CARD10: variants seen among roughly 807,000 people sequenced by gnomAD.
CARD10 encodes caspase recruitment domain family member 10, also known as caspase recruitment domain-containing protein 10.
A neutral mutation model predicts 114.6 loss-of-function variants in CARD10; 49 were observed. The observed-to-expected ratio is 0.43, with a 90% CI of 0.34 to 0.54. The LOEUF is 0.54. Among genes scored for constraint, CARD10 ranks in the 20% least tolerant of loss-of-function variants. CARD10 has a pLI of 0.03. For synonymous variants in CARD10, 602 were observed against 593.2 expected, an observed-to-expected ratio of 1.01 and a Z score of -0.21; for missense variants, 1,206 against 1,397.2, an observed-to-expected ratio of 0.86 and a Z score of 2.18.
rs9917555 is a variant in CARD10 at position 37,496,137 on chromosome 22, G to A, written c.2060-134C>T. 1.7e-6 allele frequency: 2 copies of A among 1,175,092 alleles called. No homozygotes were observed. Among genetic ancestry groups the A allele is most frequent in the Non-Finnish European group, 2.4e-6 (2 of 849,318 alleles). 72.8% of individuals were successfully genotyped at this position (1,175,092 alleles called of 1,614,324 possible). The stretch of plus-strand genomic sequence containing the variant: ...CCAGGACCCGACCTTCACCTTCTTA[G>A]AATGACTTAGGTCCAGAGGGGGCAG... On this transcript the variant is annotated intron_variant, in intron 13 of 19. Transcript: ENST00000251973. This position sits in a 1 kb window ranked among gnomAD's most constrained non-coding sequence, Gnocchi z 4.1.
chr22:37,492,663 G>A lies in CARD10; in HGVS notation c.2616C>T (p.Asp872=). 6.2e-7 allele frequency: 1 copy of A among 1,613,004 alleles called. No homozygotes were observed. The highest frequency in any genetic ancestry group is 8.5e-7 in the Non-Finnish European group (1 of 1,179,846). Residue 872 remains aspartate, a synonymous_variant, in exon 17 of 20, where the codon GAC becomes GAT. Transcript: ENST00000251973. This position sits in a 1 kb window ranked among gnomAD's most constrained non-coding sequence, Gnocchi z 5.7. ...NLLDLPSSRL[D]FQVCPAESLS... is the part of the protein sequence containing the mutation. ...TCTCACCCGCTGGGCACACTTGGAA[G>A]TCCAGCCGGGAGCTGGGCAGGTCTA...
intron 7 of CARD10, among the ~76,000 whole-genome samples, chr22:37,505,574 G>T (rs1923376417): frequency 6.6e-6 from 1 of 151,548 alleles, no homozygotes; most frequent in Non-Finnish European, 1.5e-5. Flanking sequence ...TACTAGGGAG[G>T]CTAAGGCACG....
rs766908750 is a variant in CARD10, at chr22:37,496,041, AGAG to A, written c.2060-41_2060-39del. 1.2e-5 allele frequency: 20 copies of A among 1,607,012 alleles called. No individual in the cohort carries two copies. The African/African-American group carries it at 2.5e-4, about 20-fold the overall frequency. On this transcript the variant is annotated intron_variant, in intron 13 of 19. Transcript: ENST00000251973. This position sits in a 1 kb window ranked among gnomAD's most constrained non-coding sequence, Gnocchi z 4.1. ...GGGGCAGGGGGCAGCAAGGAGGACA[AGAG>A]GAGGATGGTGAGGTCCAGGATCGGC...
At position 37,498,494 on chromosome 22, in the gene CARD10, A is replaced by G. The variant is rs539939517; in HGVS notation, c.1788-1316T>C. ...AGAGGCAGCGGGGCGAAGCATCTCC[A>G]TCCACCCCAGCAGCTGCAGCCCAGA... is the stretch of plus-strand genomic sequence containing the variant. On this transcript the variant is annotated intron_variant, in intron 11 of 19. Coordinates refer to ENST00000251973, the MANE Select transcript of CARD10 (RefSeq NM_014550.4). Among the ~76,000 whole-genome samples, 12 of 152,264 alleles carry G rather than the reference A, an allele frequency of 7.9e-5. No homozygotes were observed. The South Asian group carries it at 2.5e-3, about 32-fold the overall frequency.
Position 37,508,702 on chromosome 22 carries a change from G to T in CARD10, c.910-20C>A. 2 of 1,539,284 alleles carry T rather than the reference G, an allele frequency of 1.3e-6. No individual in the cohort carries two copies. The highest frequency in any genetic ancestry group is 8.7e-7 in the Non-Finnish European group (1 of 1,146,640). ...CGCCTCCTGGGGATCACAGGGCAGG[G>T]CCACCTCAGGGTCTGGCTAGGGGCC... On this transcript the variant is annotated intron_variant, in intron 4 of 19. Transcript: ENST00000251973.
In CARD10 at chr22:37,508,688, G is replaced by A. The variant is rs56014332; in HGVS notation, c.910-6C>T. 0.046 allele frequency: 71,173 copies of A among 1,550,492 alleles called. 1,897 individuals are homozygous for A. Among genetic ancestry groups the A allele is most frequent in the Middle Eastern group, 0.097 (565 of 5,816 alleles). ...GCCCCCGGCCGGCTCGCCTCCTGGG[G>A]ATCACAGGGCAGGGCCACCTCAGGG... On this transcript the variant is annotated splice_region_variant and splice_polypyrimidine_tract_variant and intron_variant, in intron 4 of 19. Coordinates refer to ENST00000251973, the MANE Select transcript of CARD10 (RefSeq NM_014550.4).
Position 37,496,473 on chromosome 22 carries a change from G to C in CARD10, c.2035C>G (p.Leu679Val). The C allele has an allele frequency of 1.9e-6, 3 of 1,613,356 alleles. No individual in the cohort carries two copies. The highest frequency in any genetic ancestry group is 2.5e-6 in the Non-Finnish European group (3 of 1,179,466). Residue 679 changes from leucine (L) to valine (V), a missense_variant, in exon 13 of 20, where the codon CTC (leucine) becomes GTC (valine). Transcript: ENST00000251973. The surrounding 1 kb of genome is among the most constrained non-coding windows in gnomAD (Gnocchi z 4.1). ...RTLLWNQGST[L>V]PSLMDSKACQ... The stretch of plus-strand genomic sequence containing the variant: ...CCCTTCGAGTCCATCAGGGAGGGGA[G>C]TGTGGACCCCTGATTCCAGAGCAAG...
intron 7 of CARD10, 121 bp from the exon 8 acceptor site, chr22:37,504,890 C>T (rs540188638): frequency 2.1e-6 from 1 of 483,722 alleles, no homozygotes; most frequent in Admixed American, 4.3e-5. Flanking sequence ...AGGGAGCTCA[C>T]AGCCTAGAAT....
intron 3 of CARD10, among the ~76,000 whole-genome samples, chr22:37,512,758 G>A (rs1043820729): frequency 1.3e-5 from 2 of 152,158 alleles, no homozygotes; most frequent in African/African-American, 4.8e-5. Flanking sequence ...CTTCCCTGAT[G>A]AGCTCAGAGG....
intron 11 of CARD10, among the ~76,000 whole-genome samples, chr22:37,499,390 C>T (rs772207463): frequency 1.3e-5 from 2 of 152,138 alleles, no homozygotes; most frequent in Non-Finnish European, 2.9e-5. Context: ...AATCACCTCT[C>T]GCTTGCCTCA....
chr22:37,513,027 T>G (rs926824373), intron 3 of CARD10, among the ~76,000 whole-genome samples: 1 of 152,192 alleles, frequency 6.6e-6, no homozygotes, highest in African/African-American at 2.4e-5. Flanking sequence ...TGCAACACCT[T>G]TGTTAATTTT....
chr22:37,501,869 T>C lies in CARD10; in HGVS notation c.1787+733A>G, dbSNP rs915070848. Among the ~76,000 whole-genome samples, 1 of 152,138 alleles carries C rather than the reference T, an allele frequency of 6.6e-6. No homozygotes were observed. Among genetic ancestry groups the C allele is most frequent in the African/African-American group, 2.4e-5 (1 of 41,428 alleles). On this transcript the variant is annotated intron_variant, in intron 11 of 19. Coordinates refer to ENST00000251973, the MANE Select transcript of CARD10 (RefSeq NM_014550.4). The surrounding 1 kb of genome is among the most constrained non-coding windows in gnomAD (Gnocchi z 5.4). Reference sequence around the variant, plus strand: ...AGTGTACAAGCCAAAGTCCACACTTTCCCAGCCTGACTCAGGAAGCCTTGA... The same window carrying C: ...AGTGTACAAGCCAAAGTCCACACTTCCCCAGCCTGACTCAGGAAGCCTTGA...
At chr22:37,502,558 C>T (rs371160748) in intron 11 of CARD10, 44 bp downstream of exon 11, 212 of 1,593,300 alleles carry the variant, frequency 1.3e-4, no homozygotes, top group Non-Finnish European at 1.8e-4. Flanking sequence ...GTTCCCCTCT[C>T]AAGCAATCAC....
chr22:37,510,172 C>T lies in CARD10; in HGVS notation c.909+40G>A, dbSNP rs369018349. The T allele has an allele frequency of 1.6e-5, 26 of 1,576,298 alleles. No individual in the cohort carries two copies. The African/African-American group carries it at 3.1e-4, about 19-fold the overall frequency. ...CAGTACCTGCTGCAGGCCCTCCTGACCACCCCCCAGCCTGTGCCCACAAGC... is the reference window on the plus strand; with the variant it reads ...CAGTACCTGCTGCAGGCCCTCCTGATCACCCCCCAGCCTGTGCCCACAAGC... On this transcript the variant is annotated intron_variant, in intron 4 of 19. Transcript: ENST00000251973.
At position 37,491,340 on chromosome 22, in the gene CARD10, C is replaced by A; in HGVS notation, c.2918G>T (p.Arg973Leu). Residue 973 changes from arginine to leucine, a missense_variant, in exon 20 of 20, where the codon CGT (arginine) becomes CTT (leucine). Physicochemically the swap from Arg to Leu is moderately radical, Grantham distance 102. Transcript: ENST00000251973. ...WRDSELLRQC[R>L]GSEQVLWGLP... is the part of the protein sequence containing the mutation. The stretch of plus-strand genomic sequence containing the variant: ...CCCCCAGAGCACCTGCTCTGAGCCA[C>A]GGCACTGCCGCAGCAGCTCTGAGTC... The A allele has an allele frequency of 6.5e-7, 1 of 1,544,106 alleles. No individual in the cohort carries two copies. The highest frequency in any genetic ancestry group is 8.7e-7 in the Non-Finnish European group (1 of 1,148,480).
chr22:37,495,120 G>A (rs1333481853), intron 15 of CARD10, among the ~76,000 whole-genome samples: 2 of 152,102 alleles, frequency 1.3e-5, no homozygotes, highest in African/African-American at 4.8e-5. Context: ...CCGCCACCAC[G>A]CCCGGCTAAT....
In CARD10 at chr22:37,491,177, G is replaced by T; in HGVS notation, c.3081C>A (p.Pro1027=). ...ATGAGCCTCAGGCCTCACTGCTGCT[G>T]GGGCAGCCTCTGCTGCTGCCGCACT... ...WVECGSSRGC[P]SSSEA Residue 1027 remains proline, a synonymous_variant, in exon 20 of 20, where the codon CCC becomes CCA. Transcript: ENST00000251973. 1.9e-6 allele frequency: 3 copies of T among 1,565,104 alleles called. No homozygotes were observed. Among genetic ancestry groups the T allele is most frequent in the Non-Finnish European group, 1.7e-6 (2 of 1,156,610 alleles).
At chr22:37,499,742 G>A (rs187583847) in intron 11 of CARD10, among the ~76,000 whole-genome samples, 11 of 152,122 alleles carry the variant, frequency 7.2e-5, no homozygotes, top group East Asian at 1.9e-4. Flanking sequence ...AGCACTCCTC[G>A]GAGTCTGCAG....
At chr22:37,503,071 T>A (rs561590865) in intron 10 of CARD10, 114 bp downstream of exon 10, 2 of 1,197,650 alleles carry the variant, frequency 1.7e-6, no homozygotes, top group East Asian at 4.9e-5. Context: ...CGGCGGGGCT[T>A]CAGGGAAGGG....
Sources: gnomAD v4.1 joint callset for allele counts (sites outside exome capture counted in the v4.1 genomes callset) on GRCh38, gnomAD v4.1.1 for gene constraint, Gnocchi (gnomAD v3.1) non-coding constraint, MANE v1.5 for transcripts, NCBI Gene and HGNC (gene_info 2026-07-23, HGNC 2026-07-21) for gene names.